Variants in ANKHD1 observed in about 807,000 individuals in gnomAD.
ANKHD1 encodes ankyrin repeat and KH domain-containing protein 1.
ANKHD1 carries 31 observed loss-of-function variants against 230.5 expected under a neutral mutation model. That is an observed-to-expected ratio of 0.13 (90% CI 0.10 to 0.18). The LOEUF is 0.18. Ranked by LOEUF, ANKHD1 falls within the 10% of genes least tolerant of loss-of-function variation. The pLI is 1.00. For missense variants in ANKHD1, 2,256 were observed against 3,071.3 expected (o/e 0.73, Z 6.27); for synonymous variants, 1,074 against 1,117.6 (o/e 0.96, Z 0.78).
intron 29 of ANKHD1, among the ~76,000 whole-genome samples, chr5:140,531,556 T>C (rs1007581483): frequency 6.6e-6 from 1 of 150,482 alleles, no homozygotes; most frequent in African/African-American, 2.5e-5. Flanking sequence ...ACTCCAAGCC[T>C]GAACAAAAGA....
chr5:140,510,314 T>A, intron 22 of ANKHD1, 133 bp downstream of exon 22: 1 of 1,198,822 alleles, frequency 8.3e-7, no homozygotes. Flanking sequence ...CCATTCTTTT[T>A]TTTTTTTTTT....
At chr5:140,510,846 A>G (rs986208421) in intron 22 of ANKHD1, among the ~76,000 whole-genome samples, 2 of 151,346 alleles carry the variant, frequency 1.3e-5, no homozygotes, top group African/African-American at 4.9e-5. Context: ...TGAGTATGAA[A>G]CGGTCTCAGT....
chr5:140,530,897 C>T lies in ANKHD1; in HGVS notation c.6850+1101C>T, dbSNP rs1753782702. ...AATTATTTGTGAGTTATGAATATGGCGTAGCCCTAGCTTTCATTTCAGATA... is the reference window on the plus strand; with the variant it reads ...AATTATTTGTGAGTTATGAATATGGTGTAGCCCTAGCTTTCATTTCAGATA... On this transcript the variant is annotated intron_variant, in intron 29 of 33. Transcript: ENST00000360839. Among the ~76,000 whole-genome samples the T allele has an allele frequency of 2.6e-5, 4 of 152,262 alleles. No homozygotes were observed. In the South Asian group the frequency reaches 8.3e-4, roughly 31 times the overall value.
chr5:140,502,589 A>G (rs1000591543), intron 15 of ANKHD1, among the ~76,000 whole-genome samples: 1 of 152,198 alleles, frequency 6.6e-6, no homozygotes, highest in African/African-American at 2.4e-5. Flanking sequence ...ACTAAAGTAT[A>G]TGTTAATAAT....
rs781689474 is a variant in ANKHD1 at position 140,436,302 on chromosome 5, A to G, written c.460+45A>G. 58 of 1,427,952 alleles carry G rather than the reference A, an allele frequency of 4.1e-5. 1 individual carries two copies. The East Asian group carries it at 1.5e-3, about 37-fold the overall frequency. 88.5% of individuals were successfully genotyped at this position (1,427,952 alleles called of 1,614,324 possible). On this transcript the variant is annotated intron_variant, in intron 2 of 33. Transcript: ENST00000360839. ...ATCTTTTTCATATCTTTAAAAGTCTAGATCTCTTTACAGTTACATGAGATT... is the reference window on the plus strand; with the variant it reads ...ATCTTTTTCATATCTTTAAAAGTCTGGATCTCTTTACAGTTACATGAGATT...
At chr5:140,479,674 TC>T (rs930989560) in intron 10 of ANKHD1, among the ~76,000 whole-genome samples, 14 of 146,484 alleles carry the variant, frequency 9.6e-5, no homozygotes, top group African/African-American at 3.8e-4. Flanking sequence ...ACATGTATAT[TC>T]CCATTATATA....
At chr5:140,517,500 C>G in intron 24 of ANKHD1, among the ~76,000 whole-genome samples, 1 of 143,258 alleles carries the variant, frequency 7.0e-6, no homozygotes, top group Admixed American at 7.1e-5. Context: ...TTTTTCAGCA[C>G]CACACCACAC....
intron 15 of ANKHD1, among the ~76,000 whole-genome samples, chr5:140,499,062 A>T (rs1023975446): frequency 6.6e-6 from 1 of 152,034 alleles, no homozygotes; most frequent in Non-Finnish European, 1.5e-5. Context: ...CACATTGTAC[A>T]ATATTCTTTT....
At chr5:140,538,801 C>T in intron 32 of ANKHD1, 118 bp from the exon 33 acceptor site, 2 of 1,193,372 alleles carry the variant, frequency 1.7e-6, no homozygotes, top group South Asian at 6.5e-5. Context: ...CTTATAGGAT[C>T]TTTTGGAGTT....
chr5:140,520,310 A>AACACTTTTAC (rs1380217969), intron 24 of ANKHD1, among the ~76,000 whole-genome samples: 1 of 151,396 alleles, frequency 6.6e-6, no homozygotes, highest in African/African-American at 2.4e-5. Flanking sequence ...GAGAAATAGG[A>AACACTTTTAC]ACACTTTTAC....
At chr5:140,486,770 C>A in intron 13 of ANKHD1, 188 bp from the exon 14 acceptor site, 1 of 443,704 alleles carries the variant, frequency 2.3e-6, no homozygotes, top group Non-Finnish European at 4.0e-6. Context: ...TTTGTAGATT[C>A]CCCGACTGTC....
rs1753688017 is a variant in ANKHD1 at position 140,528,336 on chromosome 5, G to A, written c.5390G>A (p.Gly1797Asp). The A allele has an allele frequency of 1.2e-6, 2 of 1,613,964 alleles. No individual in the cohort carries two copies. The highest frequency in any genetic ancestry group is 2.2e-5 in the East Asian group (1 of 44,870). The change falls in exon 29 of 34, where the codon GGT (glycine) becomes GAT (aspartate). Residue 1797 changes from glycine to aspartate, a missense_variant. Around this residue, in one of 13 missense-constraint regions of ANKHD1, gnomAD observed 778 missense variants for 966.5 expected, o/e 0.80. Coordinates refer to ENST00000360839, the MANE Select transcript of ANKHD1 (RefSeq NM_017747.3). ...SIHANFSSGV[G>D]TTAASSKNAF... is the part of the protein sequence containing the mutation. ...CATGCTAACTTCTCATCTGGAGTAG[G>A]TACCACAGCAGCTTCCAGTAAAAAT...
chr5:140,508,856 A>G lies in ANKHD1; in HGVS notation c.3766-781A>G, dbSNP rs114636197. ...ACACAGAGGAAAGAAAATAGGAGTT[A>G]GTATGTCATTGGCTTGAATTTCTTT... On this transcript the variant is annotated intron_variant, in intron 20 of 33. Coordinates refer to ENST00000360839, the MANE Select transcript of ANKHD1 (RefSeq NM_017747.3). Among the ~76,000 whole-genome samples the G allele has an allele frequency of 6.6e-3, 1,006 of 151,298 alleles. 14 individuals are homozygous for G. The highest frequency in any genetic ancestry group is 0.024 in the African/African-American group (976 of 41,216).
chr5:140,470,342 A>T (rs112871296), intron 10 of ANKHD1, among the ~76,000 whole-genome samples: 3,191 of 151,226 alleles, frequency 0.021, 115 homozygotes, highest in African/African-American at 0.073. Flanking sequence ...TTTAATTTTT[A>T]AAATTTTTTT....
At chr5:140,482,759 C>CT in intron 11 of ANKHD1, 92 bp downstream of exon 11, 5 of 1,366,650 alleles carry the variant, frequency 3.7e-6, no homozygotes, top group Non-Finnish European at 5.0e-6. Context: ...GGCTACTTTA[C>CT]CTACAGTAAA....
In ANKHD1 at chr5:140,507,204, C is replaced by T. The variant is rs987600812; in HGVS notation, c.3551+227C>T. Reference sequence around the variant, plus strand: ...TTCAAAAAGTGTTTTGTTCTATGGCCTACCACCCTAAACGTGCCCAATCTC... The same window carrying T: ...TTCAAAAAGTGTTTTGTTCTATGGCTTACCACCCTAAACGTGCCCAATCTC... On this transcript the variant is annotated intron_variant, in intron 19 of 33. Transcript: ENST00000360839. This position sits in a 1 kb window ranked among gnomAD's most constrained non-coding sequence, Gnocchi z 4.1. 4.6e-5 allele frequency among the ~76,000 whole-genome samples: 7 copies of T among 152,188 alleles called. No homozygotes were observed. The highest frequency in any genetic ancestry group is 1.7e-4 in the African/African-American group (7 of 41,436).
rs574320706 is a variant in ANKHD1 at position 140,525,990 on chromosome 5, T to A, written c.4493-6T>A. ...GTATGATTTTTATTCTTTTTAACAATTTCAGTGGAGCAAGAAGTTCCCATA... is the reference window on the plus strand; with the variant it reads ...GTATGATTTTTATTCTTTTTAACAAATTCAGTGGAGCAAGAAGTTCCCATA... On this transcript the variant is annotated splice_region_variant and splice_polypyrimidine_tract_variant and intron_variant, in intron 25 of 33. Transcript: ENST00000360839. 1 of 1,560,480 alleles carries A rather than the reference T, an allele frequency of 6.4e-7. No individual in the cohort carries two copies. The highest frequency in any genetic ancestry group is 2.2e-5 in the Admixed American group (1 of 45,882).
intron 29 of ANKHD1, among the ~76,000 whole-genome samples, chr5:140,534,508 G>A (rs1753987038): frequency 6.6e-6 from 1 of 152,170 alleles, no homozygotes; most frequent in African/African-American, 2.4e-5. Context: ...TGTGGTGATG[G>A]TTGCACAATC....
intron 29 of ANKHD1, among the ~76,000 whole-genome samples, chr5:140,533,836 AAAAG>A (rs982385419): frequency 3.3e-5 from 5 of 152,056 alleles, no homozygotes; most frequent in African/African-American, 4.8e-5. Flanking sequence ...TTTCAATAAA[AAAAG>A]AAAGAAATGA....
Sources: gnomAD v4.1 joint callset for allele counts (sites outside exome capture counted in the v4.1 genomes callset) on GRCh38, gnomAD v4.1.1 for gene constraint, gnomAD v4.1.1 regional missense constraint, Gnocchi (gnomAD v3.1) non-coding constraint, MANE v1.5 for transcripts, NCBI Gene and HGNC (gene_info 2026-07-23, HGNC 2026-07-21) for gene names.